LPXN: variants seen among roughly 807,000 people sequenced by gnomAD.
LPXN encodes leupaxin.
LPXN carries 28 observed loss-of-function variants against 45.6 expected under a neutral mutation model. The observed-to-expected ratio is 0.61, with a 90% CI of 0.45 to 0.84. The LOEUF (loss-of-function observed/expected upper bound fraction) is 0.84. Among genes scored for constraint, LPXN ranks in the 40% least tolerant of loss-of-function variants. LPXN has a pLI of 0.00. For missense variants in LPXN, 459 were observed against 475.0 expected (o/e 0.97, Z 0.31); for synonymous variants, 166 against 169.9 (o/e 0.98, Z 0.18).
At chr11:58,555,087 T>C (rs1854163721) in intron 3 of LPXN, 147 bp from the exon 4 acceptor site, 5 of 583,362 alleles carry the variant, frequency 8.6e-6, no homozygotes, top group Non-Finnish European at 1.5e-5. Flanking sequence ...TAAAAATATA[T>C]TAATATGTAC....
At chr11:58,562,695 C>G (rs1854413399) in intron 3 of LPXN, among the ~76,000 whole-genome samples, 1 of 152,162 alleles carries the variant, frequency 6.6e-6, no homozygotes, top group Non-Finnish European at 1.5e-5. Flanking sequence ...GTTACCAGAG[C>G]TAGGGGCCCA....
chr11:58,572,125 C>T (rs1328452884), intron 1 of LPXN, among the ~76,000 whole-genome samples: 1 of 151,950 alleles, frequency 6.6e-6, no homozygotes, highest in South Asian at 2.1e-4. Context: ...AGCTTTCAAA[C>T]TTTAAACACA....
At chr11:58,549,718 G>A (rs1473681054) in intron 7 of LPXN, 68 bp downstream of exon 7, 6 of 1,361,222 alleles carry the variant, frequency 4.4e-6, no homozygotes, top group South Asian at 2.4e-5. Context: ...TGACTACCAG[G>A]AAAGGTGTTG....
chr11:58,552,834 C>T (rs1428794788), intron 4 of LPXN, among the ~76,000 whole-genome samples: 2 of 151,990 alleles, frequency 1.3e-5, no homozygotes, highest in East Asian at 3.9e-4. Flanking sequence ...AGTAAAAATA[C>T]AATATAACTA....
At chr11:58,570,174 G>A (rs377380084) in intron 2 of LPXN, among the ~76,000 whole-genome samples, 1 of 151,774 alleles carries the variant, frequency 6.6e-6, no homozygotes, top group East Asian at 1.9e-4. Flanking sequence ...ATGGTGGTGC[G>A]TGCCTGTAAT....
At chr11:58,577,559 A>T (rs1039882359), upstream of LPXN, among the ~76,000 whole-genome samples, 1 of 152,170 alleles carries the variant, frequency 6.6e-6, no homozygotes, top group African/African-American at 2.4e-5. Flanking sequence ...ATTGTAATGG[A>T]TGAAAAGAAA....
At chr11:58,558,357 G>A (rs1854271772) in intron 3 of LPXN, among the ~76,000 whole-genome samples, 1 of 151,546 alleles carries the variant, frequency 6.6e-6, no homozygotes, top group South Asian at 2.1e-4. Flanking sequence ...GGGCAACATA[G>A]GGAGACCCTG....
chr11:58,553,763 C>T (rs1854120051), intron 4 of LPXN: 1 of 152,164 alleles, frequency 6.6e-6, no homozygotes, highest in Non-Finnish European at 1.5e-5. Context: ...TTGGATTCTC[C>T]ACCTTAAGGA....
intron 3 of LPXN, among the ~76,000 whole-genome samples, chr11:58,561,527 A>G (rs1016268318): frequency 1.3e-5 from 2 of 152,190 alleles, no homozygotes; most frequent in African/African-American, 4.8e-5. Context: ...TGTTTCCCAG[A>G]AGGTACACTG....
chr11:58,553,034 C>T (rs1854095778), intron 4 of LPXN, among the ~76,000 whole-genome samples: 1 of 152,080 alleles, frequency 6.6e-6, no homozygotes, highest in Non-Finnish European at 1.5e-5. Flanking sequence ...GAAAGTGCAG[C>T]TTATTCAAAA....
chr11:58,578,118 A>T, upstream of LPXN: 2 of 1,525,620 alleles, frequency 1.3e-6, no homozygotes, highest in Middle Eastern at 1.8e-4. Context: ...AGTTACGCAG[A>T]CACCCCGAGA....
chr11:58,570,631 C>T lies in LPXN; in HGVS notation c.96G>A (p.Gln32=). 6.2e-7 allele frequency: 1 copy of T among 1,613,526 alleles called. No individual in the cohort carries two copies. Among genetic ancestry groups the T allele is most frequent in the Non-Finnish European group, 8.5e-7 (1 of 1,179,674 alleles). The change falls in exon 2 of 9, where the codon CAG becomes CAA. Residue 32 remains glutamine (Q), a synonymous_variant. Coordinates refer to ENST00000395074, the MANE Select transcript of LPXN (RefSeq NM_004811.3). ...CAAGGTTAGTCTCCTTTCTGGAATG[C>T]TGATCCAGGGGAAGAGGAGCTGGGT... ...YSNPAPLPLD[Q]HSRKETNLDE... is the part of the protein sequence containing the mutation.
rs747369560 is a variant in LPXN, at chr11:58,527,503, T to C, written c.1112A>G (p.Asn371Ser). The change falls in exon 9 of 9, where the codon AAT (asparagine) becomes AGT (serine). Residue 371 changes from asparagine (N) to serine (S), a missense_variant. Coordinates refer to ENST00000395074, the MANE Select transcript of LPXN (RefSeq NM_004811.3). Reference protein sequence around the residue: ...QLSKGIFREQNDKTYCQPCFN... With the variant: ...QLSKGIFREQSDKTYCQPCFN... The stretch of plus-strand genomic sequence containing the variant: ...GCAAGGTTGACAATAGGTCTTGTCA[T>C]TCTGCTCCCTGAAAATGCCCTTCGA... The C allele has an allele frequency of 2.5e-6, 4 of 1,614,108 alleles. No individual in the cohort carries two copies. The Admixed American group carries it at 6.7e-5, about 27-fold the overall frequency.
chr11:58,570,743 C>CA, intron 1 of LPXN, 30 bp from the exon 2 acceptor site: 1 of 1,561,176 alleles, frequency 6.4e-7, no homozygotes, highest in Non-Finnish European at 8.7e-7. Context: ...AGAATCATGA[C>CA]AGAGAATATT....
chr11:58,556,306 GA>G (rs1197775005), intron 3 of LPXN, among the ~76,000 whole-genome samples: 1 of 151,848 alleles, frequency 6.6e-6, no homozygotes, highest in African/African-American at 2.4e-5. Context: ...GATATGTGCT[GA>G]AAAAGCCGTG....
At chr11:58,578,777 C>T (rs890480085), upstream of LPXN, among the ~76,000 whole-genome samples, 3 of 151,982 alleles carry the variant, frequency 2.0e-5, no homozygotes, top group Non-Finnish European at 2.9e-5. Flanking sequence ...GGTGCGATTT[C>T]TTCTCACCCG....
At chr11:58,554,244 C>CGG (rs1565196365) in intron 4 of LPXN, 1 of 153,192 alleles carries the variant, frequency 6.5e-6, no homozygotes. Context: ...ACCTGGGAGG[C>CGG]GGAGGTTGCA....
In LPXN at chr11:58,551,105, T is replaced by C. The variant is rs762673503; in HGVS notation, c.446A>G (p.Lys149Arg). 2.5e-6 allele frequency: 4 copies of C among 1,604,352 alleles called. No individual in the cohort carries two copies. The highest frequency in any genetic ancestry group is 3.3e-4 in the Middle Eastern group (2 of 6,034). The stretch of plus-strand genomic sequence containing the variant: ...TTTCTGGCAGGATGCACAATGGCCC[T>C]TGGGCACTGTGGCAATGCCAAGGTC... The part of the protein sequence containing the change: ...LQDLGIATVP[K>R]GHCASCQKPI... The change falls in exon 5 of 9, where the codon AAG (lysine) becomes AGG (arginine). Residue 149 changes from lysine (K) to arginine (R), a missense_variant. By Grantham distance (26) the Lys-to-Arg change is conservative (BLOSUM62 2). Coordinates refer to ENST00000395074, the MANE Select transcript of LPXN (RefSeq NM_004811.3).
At chr11:58,564,132 G>A (rs774494891) in intron 3 of LPXN, 23 bp downstream of exon 3, 18 of 1,467,264 alleles carry the variant, frequency 1.2e-5, no homozygotes, top group Non-Finnish European at 1.7e-5. Flanking sequence ...ATTTTTAAAA[G>A]CATTTAATAG....
Sources: allele counts gnomAD v4.1 joint callset (sites outside exome capture counted in the v4.1 genomes callset), GRCh38; gene constraint gnomAD v4.1.1; transcripts MANE v1.5; gene names NCBI Gene and HGNC (gene_info 2026-07-23, HGNC 2026-07-21).